Variants in SELENBP1 observed in about 807,000 individuals in gnomAD.
SELENBP1 encodes selenium binding protein 1, also known as methanethiol oxidase.
SELENBP1 carries 71 observed loss-of-function variants against 61.0 expected under a neutral mutation model. The ratio of observed to expected loss-of-function variants is 1.16; its 90% CI spans 0.96 to 1.42. The LOEUF is 1.42. Among genes scored for constraint, SELENBP1 ranks in the 40% most tolerant of loss-of-function variants. The pLI is 0.00. For missense variants in SELENBP1, 561 were observed against 605.0 expected (o/e 0.93, Z 0.76); for synonymous variants, 270 against 238.9 (o/e 1.13, Z -1.20).
At chr1:151,366,079 G>A (rs1009072366) in intron 7 of SELENBP1, 196 bp downstream of exon 7, 178 of 777,142 alleles carry the variant, frequency 2.3e-4, no homozygotes, top group South Asian at 5.5e-4. Flanking sequence ...TCACTAAGTA[G>A]TTTTTGAATG....
intron 6 of SELENBP1, 96 bp downstream of exon 6, chr1:151,366,626 G>C: frequency 6.8e-7 from 1 of 1,480,388 alleles, no homozygotes; most frequent in Non-Finnish European, 9.3e-7. Flanking sequence ...TTAGATTCTG[G>C]GGCCACAGGA....
At chr1:151,366,488 C>T in intron 6 of SELENBP1, 35 bp from the exon 7 acceptor site, 1 of 1,599,374 alleles carries the variant, frequency 6.3e-7, no homozygotes, top group Non-Finnish European at 8.5e-7. Flanking sequence ...ATAGGCTCAG[C>T]ATCAGAGGTT....
rs781529880 is a variant in SELENBP1 at position 151,366,736 on chromosome 1, G to A, written c.650C>T (p.Ala217Val). 4.3e-6 allele frequency: 7 copies of A among 1,613,948 alleles called. No homozygotes were observed. In the East Asian group the frequency reaches 1.6e-4, roughly 36 times the overall value. ...GGGATTCTCACCAGCCTCCACATCA[G>A]CGGGGTTGAAGCCATCTCGTAAGAC... ...PNVLRDGFNP[A>V]DVEAGLYGSH... is the part of the protein sequence containing the mutation. Residue 217 changes from alanine to valine, a missense_variant, in exon 6 of 12, where the codon GCT becomes GTT. Physicochemically the swap from Ala to Val is moderately conservative, Grantham distance 64. Coordinates refer to ENST00000368868, the MANE Select transcript of SELENBP1 (RefSeq NM_003944.4).
chr1:151,365,500 C>G (rs1320305356), intron 9 of SELENBP1, 63 bp downstream of exon 9: 13 of 1,608,102 alleles, frequency 8.1e-6, no homozygotes, highest in Non-Finnish European at 1.1e-5. Flanking sequence ...GATCATCCAC[C>G]CCATCCCCAG....
chr1:151,369,910 T>C (rs1354412716), intron 1 of SELENBP1, 141 bp from the exon 2 acceptor site: 6 of 1,539,340 alleles, frequency 3.9e-6, no homozygotes, highest in Non-Finnish European at 5.3e-6. Flanking sequence ...CGCTCTGGCC[T>C]GTCCTCTCCG....
intron 6 of SELENBP1, 106 bp from the exon 7 acceptor site, chr1:151,366,559 G>A (rs1557843515): frequency 4.2e-6 from 6 of 1,443,348 alleles, no homozygotes; most frequent in South Asian, 2.5e-5. Context: ...ATGGATTGGA[G>A]GGATCAGGAA....
chr1:151,368,102 C>T lies in SELENBP1; in HGVS notation c.481+97G>A. Reference sequence around the variant, plus strand: ...CACTGGTTCTCCTTGGGAAGTCATTCCAACCCTCCCCTTCCATTCTGCTCC... The same window carrying T: ...CACTGGTTCTCCTTGGGAAGTCATTTCAACCCTCCCCTTCCATTCTGCTCC... On this transcript the variant is annotated intron_variant, in intron 5 of 11. Coordinates refer to ENST00000368868, the MANE Select transcript of SELENBP1 (RefSeq NM_003944.4). 1.3e-5 allele frequency: 19 copies of T among 1,512,652 alleles called. No individual in the cohort carries two copies. In the South Asian group the frequency reaches 2.3e-4, roughly 19 times the overall value. 93.7% of individuals were successfully genotyped at this position (1,512,652 alleles called of 1,614,324 possible).
Position 151,365,574 on chromosome 1 carries a change from G to A in SELENBP1, c.1033C>T (p.Leu345Phe). Reference protein sequence around the residue: ...YDISDPQRPRLTGQLFLGGSI... With the variant: ...YDISDPQRPRFTGQLFLGGSI... The stretch of plus-strand genomic sequence containing the variant: ...GCCAGGGTCTCCACCTGTCCTGTGA[G>A]GCGGGGTCTCTGTGGGTCAGAGATG... Residue 345 changes from leucine to phenylalanine, a missense_variant, in exon 9 of 12, where the codon CTC becomes TTC. Leu to Phe is a conservative substitution (Grantham distance 22). Transcript: ENST00000368868. The A allele has an allele frequency of 6.2e-7, 1 of 1,614,166 alleles. No homozygotes were observed. Among genetic ancestry groups the A allele is most frequent in the Non-Finnish European group, 8.5e-7 (1 of 1,180,014 alleles).
Position 151,365,222 on chromosome 1 carries a change from T to C in SELENBP1, c.1104A>G (p.Glu368=). The C allele has an allele frequency of 1.2e-6, 2 of 1,613,802 alleles. No individual in the cohort carries two copies. The highest frequency in any genetic ancestry group is 1.7e-6 in the Non-Finnish European group (2 of 1,179,892). The change falls in exon 10 of 12, where the codon GAA becomes GAG. Residue 368 remains glutamate, a synonymous_variant. Coordinates refer to ENST00000368868, the MANE Select transcript of SELENBP1 (RefSeq NM_003944.4). Reference sequence around the variant, plus strand: ...CTAGGGGCTCTGGCTGGGACTTTAGTTCCTCGTCCTCCAGCACTTGCACAG... The same window carrying C: ...CTAGGGGCTCTGGCTGGGACTTTAGCTCCTCGTCCTCCAGCACTTGCACAG... ...GGPVQVLEDE[E]LKSQPEPLVV...
intron 6 of SELENBP1, 125 bp downstream of exon 6, chr1:151,366,597 A>G: frequency 7.2e-7 from 1 of 1,392,310 alleles, no homozygotes. Flanking sequence ...AGCATGCGGT[A>G]CATCCTATGC....
chr1:151,370,184 TCA>T (rs1652073455), intron 1 of SELENBP1: 1 of 450,890 alleles, frequency 2.2e-6, no homozygotes, highest in African/African-American at 1.9e-5. Flanking sequence ...GGTAAGAATT[TCA>T]CAGTGGGCTT....
chr1:151,367,934 T>G (rs906048064), intron 5 of SELENBP1, among the ~76,000 whole-genome samples: 1 of 152,234 alleles, frequency 6.6e-6, no homozygotes, highest in South Asian at 2.1e-4. Context: ...CTTGAAGTGC[T>G]GGGATTAGAG....
Position 151,365,765 on chromosome 1 carries a change from C to T in SELENBP1, c.922+3G>A. On this transcript the variant is annotated splice_donor_region_variant and intron_variant, in intron 8 of 11. Coordinates refer to ENST00000368868, the MANE Select transcript of SELENBP1 (RefSeq NM_003944.4). ...TCAACTTTCCTATGCCCTAGGCACT[C>T]ACCTGGCATTTCGGGCAGCAGCCAG... is the stretch of plus-strand genomic sequence containing the variant. 6.2e-7 allele frequency: 1 copy of T among 1,614,120 alleles called. No homozygotes were observed. The highest frequency in any genetic ancestry group is 8.5e-7 in the Non-Finnish European group (1 of 1,179,988).
rs1247230603 is a variant in SELENBP1 at position 151,369,732 on chromosome 1, G to A, written c.42C>T (p.Thr14=). The change falls in exon 2 of 12, where the codon ACC becomes ACT. Residue 14 remains threonine, a synonymous_variant. Coordinates refer to ENST00000368868, the MANE Select transcript of SELENBP1 (RefSeq NM_003944.4). Reference sequence around the variant, plus strand: ...AATTACCTTTCATGGCCTCCAGAGGGGTGGAGTAGCCGGGTCCACAATTCC... The same window carrying A: ...AATTACCTTTCATGGCCTCCAGAGGAGTGGAGTAGCCGGGTCCACAATTCC... ...KCGNCGPGYS[T]PLEAMKGPRE... The A allele has an allele frequency of 5.2e-6, 8 of 1,552,600 alleles. No homozygotes were observed. The highest frequency in any genetic ancestry group is 6.1e-6 in the Non-Finnish European group (7 of 1,147,558).
At chr1:151,368,470 T>C (rs1651971390) in intron 4 of SELENBP1, 151 bp from the exon 5 acceptor site, 1 of 1,185,538 alleles carries the variant, frequency 8.4e-7, no homozygotes, top group Non-Finnish European at 1.2e-6. Flanking sequence ...TGACAAAGAT[T>C]CAGTCTGGTA....
chr1:151,365,302 T>C, intron 9 of SELENBP1, 21 bp from the exon 10 acceptor site: 1 of 1,605,610 alleles, frequency 6.2e-7, no homozygotes, highest in Non-Finnish European at 8.5e-7. Context: ...AGGTGCAGAG[T>C]ATAAGGAGGA....
At chr1:151,371,010 TG>T (rs1275764952) in intron 1 of SELENBP1, among the ~76,000 whole-genome samples, 1 of 152,208 alleles carries the variant, frequency 6.6e-6, no homozygotes, top group Non-Finnish European at 1.5e-5. Context: ...TTACGAAAAG[TG>T]GGCAATAATG....
chr1:151,367,052 C>A (rs1651868835), intron 5 of SELENBP1, 148 bp from the exon 6 acceptor site: 29 of 1,447,840 alleles, frequency 2.0e-5, no homozygotes, highest in Admixed American at 2.7e-5. Flanking sequence ...TAAATTCAGG[C>A]ATCCAGGGCT....
chr1:151,365,394 G>GC, intron 9 of SELENBP1, 113 bp from the exon 10 acceptor site: 1 of 1,451,658 alleles, frequency 6.9e-7, no homozygotes, highest in East Asian at 2.3e-5. Context: ...TGCTCTGCAT[G>GC]CCCATCCCTG....
Sources: gnomAD v4.1 joint callset for allele counts (sites outside exome capture counted in the v4.1 genomes callset) on GRCh38, gnomAD v4.1.1 for gene constraint, MANE v1.5 for transcripts, NCBI Gene and HGNC (gene_info 2026-07-23, HGNC 2026-07-21) for gene names.